Variants in MAPK6 observed in about 807,000 individuals in gnomAD.
MAPK6 encodes the protein ERK-3.
A neutral mutation model predicts 59.3 loss-of-function variants in MAPK6; 19 were observed. That is an observed-to-expected ratio of 0.32 (90% CI 0.22 to 0.47). The LOEUF (loss-of-function observed/expected upper bound fraction) is 0.47. Among genes scored for constraint, MAPK6 ranks in the 20% least tolerant of loss-of-function variants. The pLI, the probability that MAPK6 is intolerant of heterozygous loss-of-function variation, is 1.00. For synonymous variants in MAPK6, 316 were observed against 290.3 expected, an observed-to-expected ratio of 1.09 and a Z score of -0.90; for missense variants, 724 against 847.9, an observed-to-expected ratio of 0.85 and a Z score of 1.81.
intron 2 of MAPK6, among the ~76,000 whole-genome samples, chr15:52,000,520 T>C (rs2057238942): frequency 6.6e-6 from 1 of 152,156 alleles, no homozygotes; most frequent in Non-Finnish European, 1.5e-5. Flanking sequence ...TAAAAAACTT[T>C]TCAATAGCTG....
chr15:52,055,536 G>A (rs1041737585), intron 3 of MAPK6, among the ~76,000 whole-genome samples: 1 of 152,106 alleles, frequency 6.6e-6, no homozygotes, highest in East Asian at 1.9e-4. Flanking sequence ...TGTTTGTTTT[G>A]GAGGAGTCTC....
chr15:52,032,304 C>T (rs1278547066), intron 1 of MAPK6, among the ~76,000 whole-genome samples: 1 of 150,580 alleles, frequency 6.6e-6, no homozygotes, highest in Non-Finnish European at 1.5e-5. Flanking sequence ...GATTCTCCTG[C>T]CTCAGCCTCC....
chr15:52,020,273 G>A (rs2030473537), intron 1 of MAPK6, among the ~76,000 whole-genome samples: 1 of 152,166 alleles, frequency 6.6e-6, no homozygotes, highest in Non-Finnish European at 1.5e-5. Flanking sequence ...GGACCCAACC[G>A]GTTTAGGTGT....
chr15:52,013,303 A>T (rs2030145835), intron 3 of MAPK6, among the ~76,000 whole-genome samples: 1 of 151,932 alleles, frequency 6.6e-6, no homozygotes, highest in Non-Finnish European at 1.5e-5. Flanking sequence ...AGAAGTCATG[A>T]TGACCTCTTA....
At chr15:52,043,568 A>T (rs540451541) in intron 1 of MAPK6, among the ~76,000 whole-genome samples, 2 of 152,074 alleles carry the variant, frequency 1.3e-5, no homozygotes, top group East Asian at 3.9e-4. Flanking sequence ...AAGTGCTGGG[A>T]TTACAGGCGT....
Position 52,041,343 on chromosome 15 carries a change from T to C in MAPK6, c.-631-4487T>C, listed in dbSNP as rs183992553. ...TCTGGAGTAGCTGGGATTACAGACATGCGCCACCACGCCCAGCTAATTTTG... is the reference window on the plus strand; with the variant it reads ...TCTGGAGTAGCTGGGATTACAGACACGCGCCACCACGCCCAGCTAATTTTG... On this transcript the variant is annotated intron_variant, in intron 1 of 5. Coordinates refer to ENST00000261845, the MANE Select transcript of MAPK6 (RefSeq NM_002748.4). Among the ~76,000 whole-genome samples the C allele has an allele frequency of 2.6e-5, 4 of 152,214 alleles. No homozygotes were observed. The East Asian group carries it at 7.7e-4, about 29-fold the overall frequency.
At chr15:52,034,254 G>C (rs542074752) in intron 1 of MAPK6, among the ~76,000 whole-genome samples, 2 of 151,942 alleles carry the variant, frequency 1.3e-5, no homozygotes, top group East Asian at 3.9e-4. Context: ...CAAAGTGCTG[G>C]GATTATAGGC....
intron 3 of MAPK6, among the ~76,000 whole-genome samples, chr15:52,053,617 TG>T: frequency 7.5e-6 from 1 of 132,832 alleles, no homozygotes; most frequent in Admixed American, 7.4e-5. Context: ...ATTGATTGAT[TG>T]ATTGATTGGT....
At chr15:52,021,753 G>A (rs987334861) in intron 1 of MAPK6, among the ~76,000 whole-genome samples, 1 of 152,126 alleles carries the variant, frequency 6.6e-6, no homozygotes, top group Non-Finnish European at 1.5e-5. Flanking sequence ...TATTTAATCA[G>A]ATATGGCTCT....
chr15:52,011,166 C>T (rs1057203114), intron 3 of MAPK6: 1 of 152,186 alleles, frequency 6.6e-6, no homozygotes, highest in African/African-American at 2.4e-5. Context: ...CAAGATTCTG[C>T]CTTCTTGTTT....
intron 1 of MAPK6, among the ~76,000 whole-genome samples, chr15:52,036,430 C>T (rs750565006): frequency 3.4e-4 from 51 of 152,054 alleles, no homozygotes; most frequent in Non-Finnish European, 6.6e-4. Flanking sequence ...AGTCTGATAC[C>T]ATGGTGCCGG....
In MAPK6 at chr15:52,053,622, GATT is replaced by G. The variant is rs1480720707; in HGVS notation, c.700+3486_700+3488del. Among the ~76,000 whole-genome samples the G allele has an allele frequency of 2.3e-5, 3 of 132,726 alleles. No homozygotes were observed. The East Asian group carries it at 6.3e-4, about 28-fold the overall frequency. The allele number at this position is 132,726 out of a possible 152,430, so 87.1% of individuals were successfully genotyped here. ...TGATTGGTTGATTGATTGATTGATT[GATT>G]GGTTGATTGATTGATTGATTGATTG... On this transcript the variant is annotated intron_variant, in intron 3 of 5. Coordinates refer to ENST00000261845, the MANE Select transcript of MAPK6 (RefSeq NM_002748.4).
At chr15:52,039,906 C>T (rs958423187) in intron 1 of MAPK6, among the ~76,000 whole-genome samples, 5 of 152,156 alleles carry the variant, frequency 3.3e-5, no homozygotes, top group African/African-American at 1.2e-4. Flanking sequence ...TGATACTACC[C>T]AAAGCCTTTC....
chr15:51,995,689 A>G (rs2057222190), intron 2 of MAPK6, among the ~76,000 whole-genome samples: 1 of 152,130 alleles, frequency 6.6e-6, no homozygotes, highest in Non-Finnish European at 1.5e-5. Flanking sequence ...GCACTGTGGG[A>G]GGCCGAGGTG....
chr15:52,045,636 A>G (rs2031571820), intron 1 of MAPK6, among the ~76,000 whole-genome samples, 194 bp from the exon 2 acceptor site: 2 of 152,204 alleles, frequency 1.3e-5, no homozygotes, highest in Non-Finnish European at 1.5e-5. Context: ...AGCCCGGGCC[A>G]ACGTGTGTGA....
intron 3 of MAPK6, among the ~76,000 whole-genome samples, chr15:52,052,741 G>A (rs1209615550): frequency 6.6e-6 from 1 of 152,128 alleles, no homozygotes; most frequent in Non-Finnish European, 1.5e-5. Context: ...CTTTTTACGG[G>A]CAAATAGTAT....
chr15:52,052,884 A>C (rs577277326), intron 3 of MAPK6, among the ~76,000 whole-genome samples: 67 of 152,244 alleles, frequency 4.4e-4, no homozygotes, highest in Non-Finnish European at 9.0e-4. Flanking sequence ...ATATGTTTTC[A>C]GTTCTCTTGG....
At chr15:52,047,935 TGC>T (rs2031645874) in intron 2 of MAPK6, among the ~76,000 whole-genome samples, 1 of 152,290 alleles carries the variant, frequency 6.6e-6, no homozygotes, top group South Asian at 2.1e-4. Flanking sequence ...GATAGCAAAT[TGC>T]CTTCATACAA....
chr15:51,990,983 T>C (rs112248184), intron 2 of MAPK6, among the ~76,000 whole-genome samples: 16,658 of 151,072 alleles, frequency 0.11, 2,304 homozygotes, highest in African/African-American at 0.32. Context: ...ACAAAATTAG[T>C]CGGGTGTGAG....
Sources: allele counts gnomAD v4.1 joint callset (sites outside exome capture counted in the v4.1 genomes callset), GRCh38; gene constraint gnomAD v4.1.1; transcripts MANE v1.5; gene names NCBI Gene and HGNC (gene_info 2026-07-23, HGNC 2026-07-21).